The following TOP3B variants were observed in gnomAD, a reference collection of about 807,000 sequenced individuals.
The protein encoded by TOP3B is DNA topoisomerase III beta, also known as DNA topoisomerase 3-beta-1.
TOP3B carries 45 observed loss-of-function variants against 93.9 expected under a neutral mutation model. That is an observed-to-expected ratio of 0.48 (90% CI 0.38 to 0.61). The LOEUF (loss-of-function observed/expected upper bound fraction) is 0.61. TOP3B is among the 20% of genes least tolerant of loss of function. TOP3B has a pLI of 0.00. For synonymous variants in TOP3B, 357 were observed against 472.6 expected (o/e 0.76, Z 3.17); for missense variants, 750 against 1,156.1 (o/e 0.65, Z 5.09).
chr22:21,960,667 T>C, intron 13 of TOP3B: 1 of 609,162 alleles, frequency 1.6e-6, no homozygotes, highest in Non-Finnish European at 2.8e-6. Flanking sequence ...CAGCCCTCCC[T>C]GTACAGGGCG....
rs371277860 is a variant in TOP3B at position 21,962,621 on chromosome 22, C to A, written c.1352-19G>T. The A allele has an allele frequency of 3.3e-5, 53 of 1,607,178 alleles. No homozygotes were observed. The highest frequency in any genetic ancestry group is 4.4e-5 in the Non-Finnish European group (52 of 1,175,004). On this transcript the variant is annotated intron_variant, in intron 12 of 17. Transcript: ENST00000357179. ...GTGAAGCCTGGAGAGATATGCGCCGCCACTCAGGGTCCCCAGCCTGGGTGG... is the reference window on the plus strand; with the variant it reads ...GTGAAGCCTGGAGAGATATGCGCCGACACTCAGGGTCCCCAGCCTGGGTGG...
rs771138254 is a variant in TOP3B, at chr22:21,958,669, A to T, written c.1930T>A (p.Ser644Thr). 3.7e-6 allele frequency: 6 copies of T among 1,605,712 alleles called. No homozygotes were observed. The highest frequency in any genetic ancestry group is 5.1e-6 in the Non-Finnish European group (6 of 1,175,122). The change falls in exon 17 of 18, where the codon TCC (serine) becomes ACC (threonine). Residue 644 changes from serine (S) to threonine (T), a missense_variant. Ser to Thr is a moderately conservative substitution (Grantham distance 58). Transcript: ENST00000357179. ...IQAKPSRLHC[S>T]HCDETYTLPQ... is the part of the protein sequence containing the mutation. ...AGCGTGTAGGTCTCATCGCAGTGGG[A>T]GCAGTGCAGGCGGCTTGGCTTGGCC...
In TOP3B at chr22:21,959,236, C is replaced by T. The variant is rs749353065; in HGVS notation, c.1805-4G>A. The T allele has an allele frequency of 4.4e-5, 71 of 1,611,778 alleles. No homozygotes were observed. The highest frequency in any genetic ancestry group is 3.3e-4 in the Admixed American group (20 of 59,998). ...ACCTCCATCAACTCATCCATGCCTG[C>T]GGGCAAGCAGAGTGCAGGAGTCATC... On this transcript the variant is annotated splice_region_variant and splice_polypyrimidine_tract_variant and intron_variant, in intron 15 of 17. Transcript: ENST00000357179.
intron 8 of TOP3B, chr22:21,967,117 G>A (rs1254556162): frequency 6.0e-6 from 1 of 166,862 alleles, no homozygotes. Context: ...CAAGCAGCAT[G>A]TCCTTTCAAT....
rs1370648896 is a variant in TOP3B, at chr22:21,971,720, T to G, written c.384+157A>C. The G allele has an allele frequency of 1.4e-6, 1 of 718,106 alleles. No individual in the cohort carries two copies. The highest frequency in any genetic ancestry group is 2.7e-5 in the East Asian group (1 of 36,908). 44.5% of individuals were successfully genotyped at this position (718,106 alleles called of 1,614,324 possible). On this transcript the variant is annotated intron_variant, in intron 5 of 17. Coordinates refer to ENST00000357179, the MANE Select transcript of TOP3B (RefSeq NM_001282112.2). This position sits in a 1 kb window ranked among gnomAD's most constrained non-coding sequence, Gnocchi z 4.6. ...GAGCCTATGCAGTTAAAAGTATCTG[T>G]GGAGTTTCAGAATAAAGGGAGGGGA...
intron 1 of TOP3B, among the ~76,000 whole-genome samples, chr22:21,978,431 A>G (rs1287681438): frequency 6.6e-6 from 1 of 152,204 alleles, no homozygotes; most frequent in African/African-American, 2.4e-5. Flanking sequence ...AGCAAAAGGA[A>G]CAACCCATGG....
In TOP3B at chr22:21,959,181, T is replaced by C. The variant is rs778324699; in HGVS notation, c.1856A>G (p.Lys619Arg). Residue 619 changes from lysine (K) to arginine (R), a missense_variant, in exon 16 of 18, where the codon AAG becomes AGG. Transcript: ENST00000357179. ...VSFSPLAATG[K>R]PLSRCGKCHR... is the part of the protein sequence containing the mutation. ...GCACTTCCCACAGCGTGAGAGGGGC[T>C]TGCCTGTGGCCGCCAGGGGCGAGAA... 3 of 1,613,796 alleles carry C rather than the reference T, an allele frequency of 1.9e-6. No homozygotes were observed. The South Asian group carries it at 3.3e-5, about 18-fold the overall frequency.
Position 21,972,721 on chromosome 22 carries a change from A to G in TOP3B, c.203-3T>C, listed in dbSNP as rs775935747. ...TTTGTCCCATTTGTTGTATTTTCCT[A>G]CAAACCAGTCACAGTGACATTGAGT... On this transcript the variant is annotated splice_region_variant and splice_polypyrimidine_tract_variant and intron_variant, in intron 3 of 17. Coordinates refer to ENST00000357179, the MANE Select transcript of TOP3B (RefSeq NM_001282112.2). The G allele has an allele frequency of 4.3e-6, 7 of 1,612,212 alleles. No homozygotes were observed. The African/African-American group carries it at 5.3e-5, about 12-fold the overall frequency.
rs1401907902 is a variant in TOP3B at position 21,967,618 on chromosome 22, C to T, written c.837G>A (p.Leu279=). The T allele has an allele frequency of 6.2e-7, 1 of 1,614,132 alleles. No individual in the cohort carries two copies. Among genetic ancestry groups the T allele is most frequent in the South Asian group, 1.1e-5 (1 of 91,084 alleles). ...GCAGGCACACCTGGGCTTCCTTCTC[C>T]AGCTTTGTCATGTTTAAAAACATCT... ...IAQMFLNMTK[L]EKEAQVEATS... Residue 279 remains leucine (L), a synonymous_variant, in exon 8 of 18, where the codon CTG becomes CTA. Transcript: ENST00000357179.
intron 8 of TOP3B, 163 bp downstream of exon 8, chr22:21,967,440 G>A: frequency 1.6e-6 from 1 of 629,696 alleles, no homozygotes; most frequent in South Asian, 1.9e-5. Context: ...TATCTTAGGA[G>A]TATATGAGGG....
intron 1 of TOP3B, chr22:21,976,800 C>A (rs1486443457): frequency 6.6e-6 from 1 of 151,708 alleles, no homozygotes; most frequent in Non-Finnish European, 1.5e-5. Flanking sequence ...TTTGTTTTTT[C>A]AGTCATTATA....
In TOP3B at chr22:21,962,570, G is replaced by A. The variant is rs2071234485; in HGVS notation, c.1384C>T (p.Pro462Ser). 2 of 1,613,330 alleles carry A rather than the reference G, an allele frequency of 1.2e-6. No individual in the cohort carries two copies. Among genetic ancestry groups the A allele is most frequent in the South Asian group, 1.1e-5 (1 of 91,078 alleles). The change falls in exon 13 of 18, where the codon CCC becomes TCC. Residue 462 changes from proline (P) to serine (S), a missense_variant. Transcript: ENST00000357179. ...FTEVMPWQSV[P>S]LEESLPTCQR... ...CAAGTGGGCAGGCTCTCCTCCAGGG[G>A]CACGCTCTGCCAGGGCATGACCTCC...
chr22:21,968,795 A>G lies in TOP3B; in HGVS notation c.582-20T>C. On this transcript the variant is annotated intron_variant, in intron 6 of 17. Transcript: ENST00000357179. The stretch of plus-strand genomic sequence containing the variant: ...TGAAACCTGGAGGGAGTGGAAAGAT[A>G]TTTTGGTCACTGATTCACTCAAGAC... 3 of 1,613,826 alleles carry G rather than the reference A, an allele frequency of 1.9e-6. No homozygotes were observed. The South Asian group carries it at 3.3e-5, about 18-fold the overall frequency.
At position 21,970,119 on chromosome 22, in the gene TOP3B, C is replaced by A; in HGVS notation, c.581+91G>T. On this transcript the variant is annotated intron_variant, in intron 6 of 17. Coordinates refer to ENST00000357179, the MANE Select transcript of TOP3B (RefSeq NM_001282112.2). The surrounding 1 kb of genome is among the most constrained non-coding windows in gnomAD (Gnocchi z 4.4). ...TGTTGCTCATCCTGGCTCGAGGAGG[C>A]CTAGGGGCCCCGGAGGGGGACCAGT... 6.7e-7 allele frequency: 1 copy of A among 1,490,038 alleles called. No homozygotes were observed. Among genetic ancestry groups the A allele is most frequent in the Non-Finnish European group, 9.1e-7 (1 of 1,103,388 alleles). 92.3% of individuals were successfully genotyped at this position (1,490,038 alleles called of 1,614,324 possible).
At chr22:21,978,073 G>A (rs1175070485) in intron 1 of TOP3B, among the ~76,000 whole-genome samples, 1 of 152,050 alleles carries the variant, frequency 6.6e-6, no homozygotes, top group African/African-American at 2.4e-5. Flanking sequence ...TGCTCTAGGG[G>A]TGCTGGGAGG....
At position 21,963,223 on chromosome 22, in the gene TOP3B, C is replaced by T. The variant is rs1387172079; in HGVS notation, c.1205-330G>A. 1.6e-5 allele frequency: 4 copies of T among 250,848 alleles called. No individual in the cohort carries two copies. Among genetic ancestry groups the T allele is most frequent in the Non-Finnish European group, 3.2e-5 (4 of 125,906 alleles). 15.5% of individuals were successfully genotyped at this position (250,848 alleles called of 1,614,324 possible). Reference sequence around the variant, plus strand: ...TGGTGGTGGGAGCCTGTAATCCCAGCTACTCGGGGGGCTGAGGCAGGGTGA... The same window carrying T: ...TGGTGGTGGGAGCCTGTAATCCCAGTTACTCGGGGGGCTGAGGCAGGGTGA... On this transcript the variant is annotated intron_variant, in intron 11 of 17. Coordinates refer to ENST00000357179, the MANE Select transcript of TOP3B (RefSeq NM_001282112.2). This position sits in a 1 kb window ranked among gnomAD's most constrained non-coding sequence, Gnocchi z 4.8.
Position 21,968,670 on chromosome 22 carries a change from A to G in TOP3B, c.687T>C (p.His229=), listed in dbSNP as rs765302397. 1.2e-6 allele frequency: 2 copies of G among 1,614,040 alleles called. No individual in the cohort carries two copies. The highest frequency in any genetic ancestry group is 4.5e-5 in the East Asian group (2 of 44,900). The change falls in exon 7 of 18, where the codon CAT becomes CAC. Residue 229 remains histidine, a synonymous_variant. Transcript: ENST00000357179. ...CTGGTTTGAAGGACTGGATTTTATC[A>G]TGTCTCTCCACACAGAATCCCAGGG... ...TPTLGFCVER[H]DKIQSFKPET... is the part of the protein sequence containing the mutation.
chr22:21,980,698 A>G (rs1027246197), intron 1 of TOP3B, among the ~76,000 whole-genome samples: 9 of 152,190 alleles, frequency 5.9e-5, no homozygotes, highest in African/African-American at 2.2e-4. Context: ...GCATCTCCCA[A>G]GGCTCTGCTG....
chr22:21,979,885 G>A (rs1012844982), intron 1 of TOP3B, among the ~76,000 whole-genome samples: 3 of 144,154 alleles, frequency 2.1e-5, no homozygotes, highest in South Asian at 2.2e-4. Context: ...AGCTTGCAGT[G>A]AGCCGAGATT....
Sources: gnomAD v4.1 joint callset for allele counts (sites outside exome capture counted in the v4.1 genomes callset) on GRCh38, gnomAD v4.1.1 for gene constraint, Gnocchi (gnomAD v3.1) non-coding constraint, MANE v1.5 for transcripts, NCBI Gene and HGNC (gene_info 2026-07-23, HGNC 2026-07-21) for gene names.